Variants in RAB3IP observed in about 807,000 individuals in gnomAD.
RAB3IP encodes the protein RAB3A interacting protein, also known as rab-3A-interacting protein.
Under a neutral mutation model 59.1 loss-of-function variants are expected in RAB3IP, and 36 were observed. That is an observed-to-expected ratio of 0.61 (90% CI 0.47 to 0.80). The LOEUF is 0.80. RAB3IP is among the 30% of genes least tolerant of loss of function. The pLI, the probability that RAB3IP is intolerant of heterozygous loss-of-function variation, is 0.00. For missense variants in RAB3IP, 511 were observed against 536.0 expected, an observed-to-expected ratio of 0.95 and a Z score of 0.46; for synonymous variants, 207 against 191.2, an observed-to-expected ratio of 1.08 and a Z score of -0.68.
intron 4 of RAB3IP, among the ~76,000 whole-genome samples, chr12:69,792,861 G>A (rs899326742): frequency 6.6e-6 from 1 of 152,104 alleles, no homozygotes; most frequent in African/African-American, 2.4e-5. Flanking sequence ...AACTTTTCTA[G>A]CTTTTCTAAT....
At chr12:69,804,894 T>C (rs1337143550) in intron 8 of RAB3IP, among the ~76,000 whole-genome samples, 1 of 152,244 alleles carries the variant, frequency 6.6e-6, no homozygotes, top group East Asian at 1.9e-4. Context: ...TTTTGTTTAC[T>C]GTAGCCTTGT....
At chr12:69,739,293 C>G (rs866828054) in intron 1 of RAB3IP, 6 of 152,506 alleles carry the variant, frequency 3.9e-5, no homozygotes, top group African/African-American at 1.4e-4. Context: ...CGGCCGCCCC[C>G]TGGGCTGCTG....
chr12:69,763,755 T>G (rs1326251737), intron 3 of RAB3IP, among the ~76,000 whole-genome samples: 1 of 152,138 alleles, frequency 6.6e-6, no homozygotes, highest in Non-Finnish European at 1.5e-5. Flanking sequence ...TTGTCAGCCC[T>G]TGTCCCCCTC....
rs975243836 is a variant in RAB3IP, at chr12:69,800,376, G to A, written c.1017+39G>A. On this transcript the variant is annotated intron_variant, in intron 7 of 10. Coordinates refer to ENST00000247833, the MANE Select transcript of RAB3IP (RefSeq NM_022456.5). The stretch of plus-strand genomic sequence containing the variant: ...ATTTTAGTAGGAATTCATTATAGTT[G>A]TTTCTGTACTTCTTTTAAACTAAAT... 7 of 1,272,702 alleles carry A rather than the reference G, an allele frequency of 5.5e-6. No homozygotes were observed. The African/African-American group carries it at 6.1e-5, about 11-fold the overall frequency. 78.8% of individuals were successfully genotyped at this position (1,272,702 alleles called of 1,614,324 possible).
intron 10 of RAB3IP, 61 bp downstream of exon 10, chr12:69,813,094 A>G: frequency 1.6e-6 from 2 of 1,246,182 alleles, no homozygotes; most frequent in South Asian, 2.8e-5. Flanking sequence ...GTATAAGTAA[A>G]GTTCAACAAA....
intron 8 of RAB3IP, among the ~76,000 whole-genome samples, chr12:69,805,403 C>T (rs1450977574): frequency 3.3e-5 from 5 of 152,080 alleles, no homozygotes; most frequent in Non-Finnish European, 7.4e-5. Context: ...TGGGCTGAGA[C>T]GATGGGGTTT....
In RAB3IP at chr12:69,808,615, A is replaced by G. The variant is rs1305271864; in HGVS notation, c.1131-4163A>G. The stretch of plus-strand genomic sequence containing the variant: ...TATTGGGTGCATATATATTTAGGAT[A>G]GTTAGTTCTTCTTGTTGAATTGATC... On this transcript the variant is annotated intron_variant, in intron 8 of 10. Coordinates refer to ENST00000247833, the MANE Select transcript of RAB3IP (RefSeq NM_022456.5). Among the ~76,000 whole-genome samples, 26 of 152,304 alleles carry G rather than the reference A, an allele frequency of 1.7e-4. No individual in the cohort carries two copies. The East Asian group carries it at 5.0e-3, about 29-fold the overall frequency.
intron 4 of RAB3IP, among the ~76,000 whole-genome samples, chr12:69,788,363 G>A (rs2136214714): frequency 6.6e-6 from 1 of 152,196 alleles, no homozygotes; most frequent in South Asian, 2.1e-4. Context: ...TGTACAACAT[G>A]TTACTATACT....
intron 1 of RAB3IP, among the ~76,000 whole-genome samples, chr12:69,754,600 T>G (rs899118267): frequency 2.0e-5 from 3 of 152,170 alleles, no homozygotes; most frequent in African/African-American, 7.2e-5. Context: ...TGACGATATA[T>G]TGTAAATTCT....
At position 69,775,867 on chromosome 12, in the gene RAB3IP, A is replaced by T. The variant is rs1178236599; in HGVS notation, c.511-8853A>T. Among the ~76,000 whole-genome samples the T allele has an allele frequency of 3.0e-4, 31 of 103,862 alleles. 1 individual carries two copies. The highest frequency in any genetic ancestry group is 5.3e-4 in the Non-Finnish European group (26 of 49,158). 68.1% of individuals were successfully genotyped at this position (103,862 alleles called of 152,430 possible). On this transcript the variant is annotated intron_variant, in intron 3 of 10. Transcript: ENST00000247833. ...AATGTTCATCAAGGATATTGGTCTA[A>T]AATTCTCTTTTTTGATTGTGTCTCT...
Position 69,794,400 on chromosome 12 carries a change from A to C in RAB3IP, c.607-37A>C, listed in dbSNP as rs772677521. ...CAAGAACTTTTTGAAAACAAATGCT[A>C]CTTTGTTTCTAAAATTTGAGATGTT... is the stretch of plus-strand genomic sequence containing the variant. On this transcript the variant is annotated intron_variant, in intron 4 of 10. Coordinates refer to ENST00000247833, the MANE Select transcript of RAB3IP (RefSeq NM_022456.5). 2.6e-6 allele frequency: 4 copies of C among 1,535,918 alleles called. No individual in the cohort carries two copies. The South Asian group carries it at 4.6e-5, about 18-fold the overall frequency.
chr12:69,760,953 G>T (rs1042152603), intron 3 of RAB3IP, among the ~76,000 whole-genome samples: 2 of 152,036 alleles, frequency 1.3e-5, no homozygotes, highest in African/African-American at 4.8e-5. Context: ...ATAAAATTTG[G>T]GAAATTTTGG....
intron 8 of RAB3IP, among the ~76,000 whole-genome samples, chr12:69,803,674 T>A (rs1592602870): frequency 6.6e-6 from 1 of 150,920 alleles, no homozygotes; most frequent in African/African-American, 2.4e-5. Flanking sequence ...CAGTCCCCGG[T>A]GTGTGATGTT....
At chr12:69,801,434 T>A (rs1419657432) in intron 7 of RAB3IP, among the ~76,000 whole-genome samples, 175 bp from the exon 8 acceptor site, 1 of 152,182 alleles carries the variant, frequency 6.6e-6, no homozygotes, top group Non-Finnish European at 1.5e-5. Flanking sequence ...CATAACAGTG[T>A]TTGGATTATA....
chr12:69,769,063 G>A (rs901705918), intron 3 of RAB3IP, among the ~76,000 whole-genome samples: 2 of 152,088 alleles, frequency 1.3e-5, no homozygotes. Flanking sequence ...ATGGGGGGTA[G>A]TTTCCCTGCT....
chr12:69,764,552 T>C (rs1367916550), intron 3 of RAB3IP, among the ~76,000 whole-genome samples: 1 of 152,236 alleles, frequency 6.6e-6, no homozygotes, highest in Non-Finnish European at 1.5e-5. Context: ...TGTAACCTTA[T>C]AAAATAGATT....
intron 3 of RAB3IP, among the ~76,000 whole-genome samples, chr12:69,761,645 G>A (rs1183005438): frequency 6.6e-6 from 1 of 152,070 alleles, no homozygotes; most frequent in Non-Finnish European, 1.5e-5. Context: ...ATATGTTTGT[G>A]CTCATGATTA....
chr12:69,751,005 A>G (rs1207177145), intron 1 of RAB3IP, among the ~76,000 whole-genome samples: 1 of 152,200 alleles, frequency 6.6e-6, no homozygotes, highest in Non-Finnish European at 1.5e-5. Context: ...TGCTAAAAAG[A>G]ACTTTTTCTC....
chr12:69,818,915 A>C lies in RAB3IP; in HGVS notation c.*3469A>C, dbSNP rs1881415582. On this transcript the variant is annotated 3_prime_UTR_variant, in exon 11 of 11. Coordinates refer to ENST00000247833, the MANE Select transcript of RAB3IP (RefSeq NM_022456.5). Reference sequence around the variant, plus strand: ...TTTGGGGTGGTTCATTTGTCATTAAAAGTAAGTACATGAGCTGGGTGTAGT... The same window carrying C: ...TTTGGGGTGGTTCATTTGTCATTAACAGTAAGTACATGAGCTGGGTGTAGT... 1 of 152,162 alleles carries C rather than the reference A, an allele frequency of 6.6e-6. No individual in the cohort carries two copies. Among genetic ancestry groups the C allele is most frequent in the Admixed American group, 6.6e-5 (1 of 15,266 alleles). 9.4% of individuals were successfully genotyped at this position (152,162 alleles called of 1,614,324 possible).
Sources: gnomAD v4.1 joint callset for allele counts (sites outside exome capture counted in the v4.1 genomes callset) on GRCh38, gnomAD v4.1.1 for gene constraint, MANE v1.5 for transcripts, NCBI Gene and HGNC (gene_info 2026-07-23, HGNC 2026-07-21) for gene names.